Variants in ZNF200 observed in about 807,000 individuals in gnomAD.
ZNF200 encodes zinc finger protein 200.
Under a neutral mutation model 33.6 loss-of-function variants are expected in ZNF200, and 35 were observed. The observed-to-expected ratio is 1.04, with a 90% CI of 0.80 to 1.38. The LOEUF (loss-of-function observed/expected upper bound fraction) is 1.38, where lower values mean the gene tolerates loss of function less well. Ranked by LOEUF, ZNF200 falls within the 40% of genes most tolerant of loss-of-function variation. ZNF200 has a pLI of 0.00. For synonymous variants in ZNF200, 209 were observed against 167.7 expected (o/e 1.25, Z -1.90); for missense variants, 592 against 470.6 (o/e 1.26, Z -2.39).
At chr16:3,224,687 C>A (rs1958423078) in intron 4 of ZNF200, 74 bp from the exon 5 acceptor site, 5 of 1,503,378 alleles carry the variant, frequency 3.3e-6, no homozygotes, top group Non-Finnish European at 4.4e-6. Flanking sequence ...AGTCAGGTTT[C>A]TTATGCCACA....
At chr16:3,227,720 T>C (rs1039287825) in intron 4 of ZNF200, 1 of 152,236 alleles carries the variant, frequency 6.6e-6, no homozygotes, top group Admixed American at 6.5e-5. Flanking sequence ...TTGCTTCCTC[T>C]TGCCTTTGCC....
chr16:3,232,743 G>C, intron 3 of ZNF200, 90 bp downstream of exon 3: 4 of 1,470,220 alleles, frequency 2.7e-6, no homozygotes. Flanking sequence ...CACCCAAGAA[G>C]GCCAACTCCT....
intron 4 of ZNF200, among the ~76,000 whole-genome samples, chr16:3,230,938 T>C (rs1016135406): frequency 2.0e-5 from 3 of 152,248 alleles, no homozygotes; most frequent in Non-Finnish European, 4.4e-5. Context: ...TGCTTATCGT[T>C]TGATGAATGA....
At chr16:3,232,336 G>C in intron 4 of ZNF200, 85 bp downstream of exon 4, 8 of 1,468,178 alleles carry the variant, frequency 5.4e-6, no homozygotes, top group Non-Finnish European at 7.4e-6. Context: ...TACCAGGTGT[G>C]AATCGTCCCC....
rs761950506 is a variant in ZNF200, at chr16:3,224,470, G to C, written c.610C>G (p.Arg204Gly). Residue 204 changes from arginine to glycine, a missense_variant, in exon 5 of 5, where the codon CGA (arginine) becomes GGA (glycine). By Grantham distance (125) the Arg-to-Gly change is moderately radical. Coordinates refer to ENST00000414144, the MANE Select transcript of ZNF200 (RefSeq NM_198088.3). ...TTTTGTGGAATGGATGTATTTAGTCGTTCCTTTTCCTGGTTATCGGGAGGC... is the reference window on the plus strand; with the variant it reads ...TTTTGTGGAATGGATGTATTTAGTCCTTCCTTTTCCTGGTTATCGGGAGGC... The part of the protein sequence containing the change: ...QQPPDNQEKE[R>G]LNTSIPQKRK... 3.1e-6 allele frequency: 5 copies of C among 1,614,132 alleles called. No homozygotes were observed. The highest frequency in any genetic ancestry group is 4.2e-6 in the Non-Finnish European group (5 of 1,180,032).
chr16:3,230,115 T>C (rs1428595085), intron 4 of ZNF200, among the ~76,000 whole-genome samples: 1 of 152,210 alleles, frequency 6.6e-6, no homozygotes, highest in Non-Finnish European at 1.5e-5. Flanking sequence ...TCCTACTCTC[T>C]TTCTTCCTCT....
chr16:3,232,999 CTG>C, intron 2 of ZNF200, 78 bp from the exon 3 acceptor site: 1 of 1,312,240 alleles, frequency 7.6e-7, no homozygotes, highest in Non-Finnish European at 1.1e-6. Context: ...CGAGGCCAGG[CTG>C]TCCTCATTCC....
At chr16:3,231,238 A>G (rs1243219930) in intron 4 of ZNF200, among the ~76,000 whole-genome samples, 1 of 152,198 alleles carries the variant, frequency 6.6e-6, no homozygotes. Flanking sequence ...GCTCTGCCCA[A>G]GACTCAGGAA....
intron 4 of ZNF200, chr16:3,225,473 T>A (rs1383107263): frequency 6.6e-6 from 1 of 152,166 alleles, no homozygotes; most frequent in Non-Finnish European, 1.5e-5. Context: ...TATTTGGCAA[T>A]TAAAGAGATT....
At chr16:3,232,168 C>A (rs1958651822) in intron 4 of ZNF200, among the ~76,000 whole-genome samples, 1 of 152,040 alleles carries the variant, frequency 6.6e-6, no homozygotes, top group African/African-American at 2.4e-5. Context: ...TTTCTATATC[C>A]ACAGTTTCTA....
At chr16:3,228,658 C>G (rs71388507) in intron 4 of ZNF200, among the ~76,000 whole-genome samples, 2 of 151,990 alleles carry the variant, frequency 1.3e-5, no homozygotes, top group Non-Finnish European at 2.9e-5. Context: ...CCACACCCAG[C>G]TAACTTTTGT....
At chr16:3,232,785 G>A (rs1375603311) in intron 3 of ZNF200, 48 bp downstream of exon 3, 4 of 1,591,324 alleles carry the variant, frequency 2.5e-6, no homozygotes, top group East Asian at 2.2e-5. Context: ...GGTTGGCCAA[G>A]CACGGAAGGT....
chr16:3,224,719 G>A (rs2141615255), intron 4 of ZNF200, 106 bp from the exon 5 acceptor site: 1 of 1,420,374 alleles, frequency 7.0e-7, no homozygotes, highest in Non-Finnish European at 9.4e-7. Context: ...CGTCAATCTG[G>A]GGAGTGGCGG....
intron 2 of ZNF200, 114 bp downstream of exon 2, chr16:3,233,392 A>T: frequency 2.2e-6 from 3 of 1,379,852 alleles, no homozygotes; most frequent in Non-Finnish European, 2.9e-6. Flanking sequence ...ACTAGAATTG[A>T]CTCCTTTTCC....
At chr16:3,233,465 C>G in intron 2 of ZNF200, 41 bp downstream of exon 2, 1 of 1,495,450 alleles carries the variant, frequency 6.7e-7, no homozygotes, top group Non-Finnish European at 8.9e-7. Context: ...ACTCCAGTAC[C>G]TCCTCCTCCT....
Position 3,224,630 on chromosome 16 carries a change from A to AT in ZNF200, c.467-18dup, listed in dbSNP as rs1303888210. ...CATTGACTGCTGAAACAAAGAGAGA[A>AT]TTTAACAACTTCTGAGAGATATCAC... On this transcript the variant is annotated splice_polypyrimidine_tract_variant and intron_variant, in intron 4 of 4. Coordinates refer to ENST00000414144, the MANE Select transcript of ZNF200 (RefSeq NM_198088.3). 3.2e-6 allele frequency: 5 copies of AT among 1,566,316 alleles called. No homozygotes were observed. The African/African-American group carries it at 5.5e-5, about 17-fold the overall frequency.
intron 4 of ZNF200, among the ~76,000 whole-genome samples, chr16:3,231,171 G>C (rs574888916): frequency 6.6e-6 from 1 of 152,130 alleles, no homozygotes; most frequent in African/African-American, 2.4e-5. Context: ...GAAGTGCATA[G>C]TCGAAGTGAT....
At chr16:3,234,728 C>T (rs1339328022) in intron 1 of ZNF200, 1 of 152,280 alleles carries the variant, frequency 6.6e-6, no homozygotes, top group African/African-American at 2.4e-5. Flanking sequence ...GAGGTGTCCA[C>T]ACACCGCCTG....
At chr16:3,230,004 G>C (rs1958593237) in intron 4 of ZNF200, among the ~76,000 whole-genome samples, 1 of 152,226 alleles carries the variant, frequency 6.6e-6, no homozygotes, top group Admixed American at 6.5e-5. Flanking sequence ...GCATCATGTG[G>C]GTAGATCGCT....
Sources: gnomAD v4.1 joint callset for allele counts (sites outside exome capture counted in the v4.1 genomes callset) on GRCh38, gnomAD v4.1.1 for gene constraint, MANE v1.5 for transcripts, NCBI Gene and HGNC (gene_info 2026-07-23, HGNC 2026-07-21) for gene names.